Variants in ZNF236 observed in about 807,000 individuals in gnomAD.
ZNF236 encodes zinc finger protein 236.
ZNF236 carries 50 observed loss-of-function variants against 191.2 expected under a neutral mutation model. That is an observed-to-expected ratio of 0.26 (90% confidence interval 0.21 to 0.33). The LOEUF is 0.33. Ranked by LOEUF, ZNF236 falls within the 10% of genes least tolerant of loss-of-function variation. ZNF236 has a pLI of 1.00. For synonymous variants in ZNF236, 907 were observed against 928.8 expected (o/e 0.98, Z 0.43); for missense variants, 1,754 against 2,374.5 (o/e 0.74, Z 5.43).
intron 1 of ZNF236, among the ~76,000 whole-genome samples, chr18:76,822,914 G>T (rs901869745): frequency 1.4e-5 from 2 of 147,868 alleles, no homozygotes; most frequent in Admixed American, 6.7e-5. Flanking sequence ...GCTGAGGCGG[G>T]AGGCGGGAGG....
chr18:76,840,314 G>T (rs573580679), intron 1 of ZNF236, among the ~76,000 whole-genome samples: 2 of 152,288 alleles, frequency 1.3e-5, no homozygotes, highest in Admixed American at 1.3e-4. Context: ...GACCAACATG[G>T]TGAAACCCCA....
At chr18:76,940,402 C>T (rs1968109403) in intron 26 of ZNF236, among the ~76,000 whole-genome samples, 1 of 152,058 alleles carries the variant, frequency 6.6e-6, no homozygotes, top group African/African-American at 2.4e-5. Flanking sequence ...CCTAGCATTG[C>T]ATTTGGGAAC....
At chr18:76,958,648 T>C (rs1410593106) in intron 28 of ZNF236, among the ~76,000 whole-genome samples, 4 of 151,990 alleles carry the variant, frequency 2.6e-5, no homozygotes, top group Non-Finnish European at 5.9e-5. Flanking sequence ...CCAGACGGAG[T>C]GGGGGAGGAA....
At chr18:76,881,553 C>A in intron 9 of ZNF236, 41 bp downstream of exon 9, 2 of 1,544,722 alleles carry the variant, frequency 1.3e-6, no homozygotes, top group Non-Finnish European at 1.8e-6. Flanking sequence ...TTTGGGATAG[C>A]ATATTGCTGG....
intron 11 of ZNF236, among the ~76,000 whole-genome samples, chr18:76,901,071 A>G (rs949454139): frequency 6.6e-6 from 1 of 152,194 alleles, no homozygotes; most frequent in Non-Finnish European, 1.5e-5. Flanking sequence ...CTCACCTGCT[A>G]TTCGCCTCCT....
At chr18:76,957,545 C>G (rs749450879) in intron 28 of ZNF236, among the ~76,000 whole-genome samples, 3 of 152,128 alleles carry the variant, frequency 2.0e-5, no homozygotes, top group African/African-American at 7.2e-5. Flanking sequence ...ACTTTAGGTT[C>G]GGAGGTGCAT....
At chr18:76,892,106 T>C (rs1307557276) in intron 9 of ZNF236, among the ~76,000 whole-genome samples, 1 of 150,418 alleles carries the variant, frequency 6.6e-6, no homozygotes, top group Non-Finnish European at 1.5e-5. Context: ...TCCCAAAGAA[T>C]AGGGTATGCA....
chr18:76,968,461 T>G lies in ZNF236; in HGVS notation c.*122T>G. On this transcript the variant is annotated 3_prime_UTR_variant, in exon 31 of 31. Transcript: ENST00000320610. ...AAATGCTACAATAGTTTTTTATCTA[T>G]AAAATTATCTAAAGAATCATTGTCT... 16 of 1,462,120 alleles carry G rather than the reference T, an allele frequency of 1.1e-5. No homozygotes were observed. The highest frequency in any genetic ancestry group is 1.3e-5 in the Non-Finnish European group (15 of 1,120,104). 90.6% of individuals were successfully genotyped at this position (1,462,120 alleles called of 1,614,324 possible). A position where few individuals can be genotyped will look rare whatever the true frequency, so the allele number is the denominator to read the frequency against.
chr18:76,910,556 T>C, intron 15 of ZNF236, 104 bp from the exon 16 acceptor site: 3 of 1,156,634 alleles, frequency 2.6e-6, no homozygotes, highest in Non-Finnish European at 3.6e-6. Flanking sequence ...ATTCAGAAAA[T>C]AGAAATGCCC....
chr18:76,917,017 A>T (rs904094055), intron 19 of ZNF236, among the ~76,000 whole-genome samples: 4 of 152,208 alleles, frequency 2.6e-5, no homozygotes, highest in Non-Finnish European at 5.9e-5. Flanking sequence ...GTTTTGAGGA[A>T]TAAGTCTGTA....
intron 3 of ZNF236, among the ~76,000 whole-genome samples, chr18:76,858,287 A>G (rs1317934157): frequency 2.0e-5 from 3 of 152,226 alleles, no homozygotes; most frequent in African/African-American, 7.2e-5. Flanking sequence ...GAAGATTTGA[A>G]ATAATAGTAC....
chr18:76,953,452 G>C (rs1968455995), intron 27 of ZNF236, among the ~76,000 whole-genome samples: 1 of 152,208 alleles, frequency 6.6e-6, no homozygotes, highest in Non-Finnish European at 1.5e-5. Context: ...AGGTGTCTAA[G>C]TGTCACGGCC....
chr18:76,912,115 A>G (rs1967231963), intron 16 of ZNF236, 129 bp from the exon 17 acceptor site: 8 of 643,208 alleles, frequency 1.2e-5, no homozygotes, highest in Non-Finnish European at 2.2e-5. Context: ...ACAGTGAACT[A>G]TTTGGGGTTT....
chr18:76,826,108 C>A (rs181665173), intron 1 of ZNF236, among the ~76,000 whole-genome samples: 2 of 148,566 alleles, frequency 1.3e-5, no homozygotes, highest in Non-Finnish European at 3.0e-5. Context: ...AAGCTCAGAG[C>A]GGATACCTGA....
At position 76,875,353 on chromosome 18, in the gene ZNF236, T is replaced by C. The variant is rs767066511; in HGVS notation, c.668-139T>C. The C allele has an allele frequency of 5.5e-5, 38 of 695,780 alleles. No homozygotes were observed. Among genetic ancestry groups the C allele is most frequent in the Non-Finnish European group, 7.6e-5 (36 of 475,770 alleles). 43.1% of individuals were successfully genotyped at this position (695,780 alleles called of 1,614,324 possible). A position where few individuals can be genotyped will look rare whatever the true frequency, so the allele number is the denominator to read the frequency against. On this transcript the variant is annotated intron_variant, in intron 5 of 30. Transcript: ENST00000320610. The surrounding 1 kb of genome is among the most constrained non-coding windows in gnomAD (Gnocchi z 4.3). ...AATTTTGAGATTTAAAGTAGACACTTGTATATATGCATCTAGAGTTCTGGG... is the reference window on the plus strand; with the variant it reads ...AATTTTGAGATTTAAAGTAGACACTCGTATATATGCATCTAGAGTTCTGGG...
chr18:76,891,748 A>T (rs1173696943), intron 9 of ZNF236, among the ~76,000 whole-genome samples: 1 of 152,008 alleles, frequency 6.6e-6, no homozygotes, highest in Admixed American at 6.6e-5. Context: ...AGATGTGCAA[A>T]CATCATTTGT....
chr18:76,944,610 G>A (rs746848464), intron 26 of ZNF236, among the ~76,000 whole-genome samples: 4 of 152,102 alleles, frequency 2.6e-5, no homozygotes, highest in East Asian at 1.9e-4. Context: ...GTGAAACCCC[G>A]TCTCTCCTAA....
chr18:76,962,649 G>A (rs990881520), intron 30 of ZNF236, among the ~76,000 whole-genome samples: 1 of 152,182 alleles, frequency 6.6e-6, no homozygotes. Context: ...GCTTTTGGCA[G>A]TATGGCCATT....
At chr18:76,878,508 AT>A (rs1219886709) in intron 7 of ZNF236, among the ~76,000 whole-genome samples, 1 of 152,072 alleles carries the variant, frequency 6.6e-6, no homozygotes, top group African/African-American at 2.4e-5. Context: ...GACAGTGATA[AT>A]TTTTCCTAAG....
Sources: gnomAD v4.1 joint callset for allele counts (sites outside exome capture counted in the v4.1 genomes callset) on GRCh38, gnomAD v4.1.1 for gene constraint, Gnocchi (gnomAD v3.1) non-coding constraint, MANE v1.5 for transcripts, NCBI Gene and HGNC (gene_info 2026-07-23, HGNC 2026-07-21) for gene names.